Variants in PKNOX2 observed in about 807,000 individuals in gnomAD.
PKNOX2 encodes the protein homeobox protein PKNOX2.
In PKNOX2, 14 loss-of-function variants were observed where a neutral mutation model predicts 53.1. The ratio of observed to expected loss-of-function variants is 0.26; its 90% CI spans 0.17 to 0.41. PKNOX2 has a LOEUF of 0.41. Ranked by LOEUF, PKNOX2 falls within the 10% of genes least tolerant of loss-of-function variation. PKNOX2 has a pLI of 1.00. For missense variants in PKNOX2, 496 were observed against 602.8 expected, an observed-to-expected ratio of 0.82 and a Z score of 1.85; for synonymous variants, 257 against 242.8, an observed-to-expected ratio of 1.06 and a Z score of -0.54.
At chr11:125,382,024 GAC>G (rs1953265487) in intron 5 of PKNOX2, among the ~76,000 whole-genome samples, 1 of 152,172 alleles carries the variant, frequency 6.6e-6, no homozygotes, top group Non-Finnish European at 1.5e-5. Flanking sequence ...GTAGCTGGGG[GAC>G]ACAGTCGTGG....
chr11:125,429,162 G>A, intron 11 of PKNOX2, 74 bp downstream of exon 11: 1 of 1,398,072 alleles, frequency 7.2e-7, no homozygotes, highest in African/African-American at 1.4e-5. Flanking sequence ...GCGTAGCAGG[G>A]AAAAGAGACT....
At chr11:125,272,541 C>T (rs1318563097) in intron 2 of PKNOX2, among the ~76,000 whole-genome samples, 3 of 152,190 alleles carry the variant, frequency 2.0e-5, no homozygotes, top group African/African-American at 7.2e-5. Flanking sequence ...CTTTGACTTT[C>T]CATTTCCTTC....
At chr11:125,415,774 C>A (rs1199060837) in intron 10 of PKNOX2, among the ~76,000 whole-genome samples, 1 of 152,076 alleles carries the variant, frequency 6.6e-6, no homozygotes, top group African/African-American at 2.4e-5. Context: ...AATATGCCAT[C>A]GATGTTCTCA....
chr11:125,286,114 G>A (rs1946881376), intron 2 of PKNOX2, among the ~76,000 whole-genome samples: 1 of 152,192 alleles, frequency 6.6e-6, no homozygotes, highest in South Asian at 2.1e-4. Context: ...AGCTCAGGGT[G>A]GAACACAGAG....
intron 1 of PKNOX2, among the ~76,000 whole-genome samples, chr11:125,181,326 G>A (rs758890819): frequency 6.6e-6 from 1 of 152,224 alleles, no homozygotes; most frequent in East Asian, 1.9e-4. Context: ...GATGCATTAC[G>A]AGACAGTAGA....
chr11:125,383,445 T>TAAA (rs551704955), intron 5 of PKNOX2, among the ~76,000 whole-genome samples: 2 of 121,860 alleles, frequency 1.6e-5, no homozygotes, highest in Non-Finnish European at 3.4e-5. Context: ...CCCTCTCTGC[T>TAAA]AAAAAAAAAA....
intron 3 of PKNOX2, among the ~76,000 whole-genome samples, chr11:125,339,452 A>C (rs1017591837): frequency 6.6e-6 from 1 of 152,220 alleles, no homozygotes; most frequent in African/African-American, 2.4e-5. Flanking sequence ...TTCCCAAGAT[A>C]CAGCCAGCTG....
chr11:125,395,750 T>TA (rs1188069960), intron 6 of PKNOX2, among the ~76,000 whole-genome samples: 1 of 152,212 alleles, frequency 6.6e-6, no homozygotes, highest in African/African-American at 2.4e-5. Flanking sequence ...AATCATGTCT[T>TA]ATGACCATGT....
At chr11:125,247,181 A>G (rs12805092) in intron 2 of PKNOX2, among the ~76,000 whole-genome samples, 39,596 of 151,888 alleles carry the variant, frequency 0.26, 5,782 homozygotes, top group Non-Finnish European at 0.33. Flanking sequence ...TCCCGGCAGG[A>G]TTTTGGGCTT....
chr11:125,429,434 C>T (rs73029729), intron 11 of PKNOX2, among the ~76,000 whole-genome samples: 17,883 of 152,218 alleles, frequency 0.12, 1,150 homozygotes, highest in East Asian at 0.28. Context: ...GGCCAGTGGT[C>T]ATCTGGTCTT....
intron 1 of PKNOX2, among the ~76,000 whole-genome samples, chr11:125,186,120 G>T (rs200882686): frequency 6.6e-6 from 1 of 152,010 alleles, no homozygotes; most frequent in Non-Finnish European, 1.5e-5. Flanking sequence ...TCTCGTTATG[G>T]TTTGATTTTC....
rs144676613 is a variant in PKNOX2 at position 125,348,648 on chromosome 11, G to A, written c.-22-2636G>A. ...CCTCCCCTCCTTAACCCCACACAGG[G>A]CAGCCCTCCTGCTGCTACAAATATT... is the stretch of plus-strand genomic sequence containing the variant. On this transcript the variant is annotated intron_variant, in intron 3 of 12. Transcript: ENST00000298282. Among the ~76,000 whole-genome samples, 16 of 152,366 alleles carry A rather than the reference G, an allele frequency of 1.1e-4. 3 individuals are homozygous for A. The highest frequency in any genetic ancestry group is 3.8e-4 in the African/African-American group (16 of 41,578).
chr11:125,276,236 A>G (rs1946147468), intron 2 of PKNOX2, among the ~76,000 whole-genome samples: 1 of 152,194 alleles, frequency 6.6e-6, no homozygotes, highest in East Asian at 1.9e-4. Flanking sequence ...TGATTGGGGC[A>G]GGTTGAGGAG....
At chr11:125,199,773 G>A (rs570290268) in intron 1 of PKNOX2, among the ~76,000 whole-genome samples, 2 of 152,362 alleles carry the variant, frequency 1.3e-5, no homozygotes, top group South Asian at 4.1e-4. Context: ...CTTGAACCCA[G>A]GCGGTGGAGG....
intron 7 of PKNOX2, among the ~76,000 whole-genome samples, chr11:125,403,816 G>A (rs1418751062): frequency 2.0e-5 from 3 of 152,198 alleles, no homozygotes; most frequent in Non-Finnish European, 4.4e-5. Context: ...TTTGCTAGTA[G>A]ACTGGAAGTA....
At chr11:125,194,964 C>T (rs1183438894) in intron 1 of PKNOX2, among the ~76,000 whole-genome samples, 1 of 152,152 alleles carries the variant, frequency 6.6e-6, no homozygotes, top group African/African-American at 2.4e-5. Context: ...TCCTGACGCT[C>T]TTAGGAGGCG....
chr11:125,397,859 C>A lies in PKNOX2; in HGVS notation c.400-15C>A. The A allele has an allele frequency of 6.3e-7, 1 of 1,599,796 alleles. No individual in the cohort carries two copies. Among genetic ancestry groups the A allele is most frequent in the South Asian group, 1.1e-5 (1 of 87,058 alleles). On this transcript the variant is annotated splice_polypyrimidine_tract_variant and intron_variant, in intron 6 of 12. Transcript: ENST00000298282. The stretch of plus-strand genomic sequence containing the variant: ...GATGCAAACACCTGGGCTCACCTCT[C>A]CTCCCTCTCCACAGATGGTGAAGGC...
rs1461499165 is a variant in PKNOX2 at position 125,410,188 on chromosome 11, A to G, written c.589-8A>G. 6.2e-7 allele frequency: 1 copy of G among 1,613,416 alleles called. No homozygotes were observed. The highest frequency in any genetic ancestry group is 2.2e-5 in the East Asian group (1 of 44,844). On this transcript the variant is annotated splice_region_variant and splice_polypyrimidine_tract_variant and intron_variant, in intron 7 of 12. Coordinates refer to ENST00000298282, the MANE Select transcript of PKNOX2 (RefSeq NM_001382323.2). ...CATTGTCACAAACCACGCCTCCCTCACTGCCAGGACCTCCTGCAGAATTCC... is the reference window on the plus strand; with the variant it reads ...CATTGTCACAAACCACGCCTCCCTCGCTGCCAGGACCTCCTGCAGAATTCC...
chr11:125,337,493 T>C (rs1950488519), intron 3 of PKNOX2, among the ~76,000 whole-genome samples: 2 of 152,224 alleles, frequency 1.3e-5, no homozygotes, highest in Admixed American at 1.3e-4. Context: ...CTCCTAGAAC[T>C]TGCTGACATG....
Sources: gnomAD v4.1 joint callset for allele counts (sites outside exome capture counted in the v4.1 genomes callset) on GRCh38, gnomAD v4.1.1 for gene constraint, MANE v1.5 for transcripts, NCBI Gene and HGNC (gene_info 2026-07-23, HGNC 2026-07-21) for gene names.